Variants in WWOX observed in about 807,000 individuals in gnomAD.
WWOX encodes WW domain containing oxidoreductase.
A neutral mutation model predicts 46.2 loss-of-function variants in WWOX; 69 were observed. The ratio of observed to expected loss-of-function variants is 1.49; its 90% CI spans 1.23 to 1.82. The LOEUF (loss-of-function observed/expected upper bound fraction) is 1.82. Ranked by LOEUF, WWOX falls within the 40% of genes most tolerant of loss-of-function variation. WWOX has a pLI of 0.00. For synonymous variants in WWOX, 359 were observed against 202.6 expected (o/e 1.77, Z -6.56); for missense variants, 919 against 542.6 (o/e 1.69, Z -6.89).
intron 8 of WWOX, among the ~76,000 whole-genome samples, chr16:78,717,953 T>C (rs142955108): frequency 2.2e-4 from 33 of 151,270 alleles, no homozygotes; most frequent in African/African-American, 8.0e-4. Flanking sequence ...GATCCACTTT[T>C]ACTACAGTTA....
At chr16:78,986,146 G>T (rs1370477254) in intron 8 of WWOX, among the ~76,000 whole-genome samples, 2 of 152,302 alleles carry the variant, frequency 1.3e-5, no homozygotes, top group East Asian at 1.9e-4. Flanking sequence ...TACATTCCTG[G>T]TTCTGTCAGC....
intron 5 of WWOX, among the ~76,000 whole-genome samples, chr16:78,230,586 C>G (rs910001264): frequency 2.6e-5 from 4 of 152,164 alleles, no homozygotes; most frequent in African/African-American, 4.8e-5. Context: ...TAAAACTTTC[C>G]AAAAAGAATA....
At chr16:78,314,119 A>T (rs892462977) in intron 5 of WWOX, among the ~76,000 whole-genome samples, 15 of 152,170 alleles carry the variant, frequency 9.9e-5, no homozygotes, top group African/African-American at 3.4e-4. Context: ...AAGAAAGTAC[A>T]GGAGAGGCCG....
intron 5 of WWOX, among the ~76,000 whole-genome samples, chr16:78,217,135 A>T (rs1206837630): frequency 6.6e-6 from 1 of 152,224 alleles, no homozygotes; most frequent in Admixed American, 6.5e-5. Flanking sequence ...TAGGACCTGG[A>T]CATCTTTGGT....
chr16:79,212,482 G>C lies in WWOX; in HGVS notation c.*686G>C, dbSNP rs371613343. ...TTTCAAATCATTCCTTAGATACCTT[G>C]AAAGGCAGGAAGGGAAGCGTATATA... On this transcript the variant is annotated 3_prime_UTR_variant, in exon 9 of 9. Transcript: ENST00000566780. 3 of 220,206 alleles carry C rather than the reference G, an allele frequency of 1.4e-5. No homozygotes were observed. The highest frequency in any genetic ancestry group is 9.7e-5 in the East Asian group (1 of 10,358). The allele number at this position is 220,206 out of a possible 1,614,324, so 13.6% of individuals were successfully genotyped here. A position where few individuals can be genotyped will look rare whatever the true frequency, so the allele number is the denominator to read the frequency against.
intron 8 of WWOX, chr16:78,535,311 C>T (rs1435500856): frequency 6.6e-6 from 1 of 152,224 alleles, no homozygotes; most frequent in African/African-American, 2.4e-5. Context: ...CGCCCTCTGT[C>T]TGAGTCCGGG....
intron 8 of WWOX, among the ~76,000 whole-genome samples, chr16:78,643,947 G>T (rs1046967807): frequency 3.3e-5 from 5 of 152,270 alleles, no homozygotes; most frequent in Admixed American, 6.5e-5. Context: ...ACACAGCTGG[G>T]TGCGGTGGCT....
intron 4 of WWOX, among the ~76,000 whole-genome samples, chr16:78,135,466 A>G (rs2151701343): frequency 6.6e-6 from 1 of 152,322 alleles, no homozygotes. Context: ...TTCAATTCAA[A>G]TCTTCTAAAT....
intron 5 of WWOX, among the ~76,000 whole-genome samples, chr16:78,239,297 G>C (rs1393924110): frequency 6.6e-6 from 1 of 152,196 alleles, no homozygotes; most frequent in African/African-American, 2.4e-5. Context: ...AGATGGGGAA[G>C]GTGCTGTTCC....
At chr16:78,655,316 G>C (rs879585292) in intron 8 of WWOX, among the ~76,000 whole-genome samples, 2 of 152,154 alleles carry the variant, frequency 1.3e-5, no homozygotes, top group Non-Finnish European at 2.9e-5. Flanking sequence ...AAATGCTACC[G>C]AGCAGTGCCT....
At chr16:79,158,603 A>G (rs1313536366) in intron 8 of WWOX, among the ~76,000 whole-genome samples, 1 of 152,148 alleles carries the variant, frequency 6.6e-6, no homozygotes, top group Non-Finnish European at 1.5e-5. Context: ...GAACACACCA[A>G]GTTCCTGCAT....
Position 78,349,914 on chromosome 16 carries a change from C to T in WWOX, c.517-36946C>T, listed in dbSNP as rs550834226. On this transcript the variant is annotated intron_variant, in intron 5 of 8. Coordinates refer to ENST00000566780, the MANE Select transcript of WWOX (RefSeq NM_016373.4). ...CCAGAAATAATCCCTGTTAACATTT[C>T]GGTTTGTGTTATGGAAGTGTTCTCT... is the stretch of plus-strand genomic sequence containing the variant. Among the ~76,000 whole-genome samples, 4 of 121,024 alleles carry T rather than the reference C, an allele frequency of 3.3e-5. 1 individual carries two copies. The highest frequency in any genetic ancestry group is 5.6e-5 in the African/African-American group (2 of 35,786). 79.4% of individuals were successfully genotyped at this position (121,024 alleles called of 152,430 possible).
At chr16:78,373,858 G>T (rs1376875430) in intron 5 of WWOX, among the ~76,000 whole-genome samples, 2 of 152,108 alleles carry the variant, frequency 1.3e-5, no homozygotes, top group Non-Finnish European at 2.9e-5. Flanking sequence ...CTTGATCTCG[G>T]CTCACTGCAA....
At chr16:78,457,395 G>A (rs2083844926) in intron 8 of WWOX, among the ~76,000 whole-genome samples, 1 of 152,198 alleles carries the variant, frequency 6.6e-6, no homozygotes, top group Non-Finnish European at 1.5e-5. Context: ...ATAGAGAGCT[G>A]CACCAACCAG....
chr16:78,860,135 A>T (rs558263303), intron 8 of WWOX, among the ~76,000 whole-genome samples: 4 of 152,356 alleles, frequency 2.6e-5, no homozygotes, highest in Admixed American at 1.3e-4. Context: ...AGTAGCTCCC[A>T]TCCTTATTCC....
At chr16:78,237,073 C>CAA (rs35866443) in intron 5 of WWOX, among the ~76,000 whole-genome samples, 14,872 of 80,046 alleles carry the variant, frequency 0.19, 1,301 homozygotes, top group East Asian at 0.34. Context: ...GACTCCGTCT[C>CAA]AAAAAAAAAA....
At chr16:78,444,859 A>G (rs970208794) in intron 8 of WWOX, among the ~76,000 whole-genome samples, 1 of 152,108 alleles carries the variant, frequency 6.6e-6, no homozygotes, top group Non-Finnish European at 1.5e-5. Context: ...AATGGAATAT[A>G]TTTGACTTCA....
intron 6 of WWOX, among the ~76,000 whole-genome samples, chr16:78,414,105 C>T (rs781534418): frequency 6.6e-6 from 1 of 151,940 alleles, no homozygotes; most frequent in Non-Finnish European, 1.5e-5. Flanking sequence ...CAGTGAGTCT[C>T]AGGAGCTCCC....
At chr16:78,532,810 T>C (rs1242468135) in intron 8 of WWOX, among the ~76,000 whole-genome samples, 2 of 152,120 alleles carry the variant, frequency 1.3e-5, no homozygotes, top group African/African-American at 2.4e-5. Context: ...CCTCCATGAT[T>C]CAGTTACCTC....
Sources: allele counts gnomAD v4.1 joint callset (sites outside exome capture counted in the v4.1 genomes callset), GRCh38; gene constraint gnomAD v4.1.1; transcripts MANE v1.5; gene names NCBI Gene and HGNC (gene_info 2026-07-23, HGNC 2026-07-21).